The following CSNK2A1 variants were observed in gnomAD, a reference collection of about 807,000 sequenced individuals.
CSNK2A1 encodes the protein casein kinase 2 alpha 1.
A neutral mutation model predicts 62.9 loss-of-function variants in CSNK2A1; 10 were observed. The observed-to-expected ratio is 0.16, with a 90% CI of 0.10 to 0.27. The LOEUF (loss-of-function observed/expected upper bound fraction) is 0.27, where lower values mean the gene tolerates loss of function less well. Among genes scored for constraint, CSNK2A1 ranks in the 10% least tolerant of loss-of-function variants. The probability of loss-of-function intolerance (pLI) is 1.00; values close to 1 mark genes in which losing one functional copy is unlikely to be tolerated. For synonymous variants in CSNK2A1, 124 were observed against 167.8 expected (o/e 0.74, Z 2.02); for missense variants, 160 against 492.0 (o/e 0.33, Z 6.38).
At chr20:493,488 G>A (rs2018278698) in intron 8 of CSNK2A1, among the ~76,000 whole-genome samples, 1 of 152,122 alleles carries the variant, frequency 6.6e-6, no homozygotes, top group African/African-American at 2.4e-5. Flanking sequence ...AGGTTGCTAT[G>A]GAGAGATTAT....
At chr20:514,701 C>T (rs1435903004) in intron 2 of CSNK2A1, among the ~76,000 whole-genome samples, 2 of 152,118 alleles carry the variant, frequency 1.3e-5, no homozygotes, top group Admixed American at 6.5e-5. Context: ...CTCAGCCTCC[C>T]GAAGTGCTGA....
rs1354401824 is a variant in CSNK2A1, at chr20:481,284, C to G, written c.*2677G>C. Reference sequence around the variant, plus strand: ...AAAAGCAGAGGAAGAGGGGAGGGACCACTTCAAACAAAGTTTAAAAATACT... The same window carrying G: ...AAAAGCAGAGGAAGAGGGGAGGGACGACTTCAAACAAAGTTTAAAAATACT... On this transcript the variant is annotated 3_prime_UTR_variant, in exon 14 of 14. Transcript: ENST00000217244. 1.3e-5 allele frequency: 2 copies of G among 152,114 alleles called. No individual in the cohort carries two copies. Among genetic ancestry groups the G allele is most frequent in the Non-Finnish European group, 2.9e-5 (2 of 68,022 alleles). 9.4% of individuals were successfully genotyped at this position (152,114 alleles called of 1,614,324 possible).
rs750386854 is a variant in CSNK2A1 at position 499,804 on chromosome 20, C to A, written c.315+29G>T. On this transcript the variant is annotated intron_variant, in intron 5 of 13. Coordinates refer to ENST00000217244, the MANE Select transcript of CSNK2A1 (RefSeq NM_177559.3). The surrounding 1 kb of genome is among the most constrained non-coding windows in gnomAD (Gnocchi z 4.2). The stretch of plus-strand genomic sequence containing the variant: ...AGGTCAAACACCATCTCAGCTCTGG[C>A]GGGCCTTGCTAACACCTACTATACT... 1.2e-6 allele frequency: 2 copies of A among 1,604,312 alleles called. No individual in the cohort carries two copies. The highest frequency in any genetic ancestry group is 3.3e-5 in the Admixed American group (2 of 59,872).
At chr20:535,978 G>C (rs1001554774) in intron 1 of CSNK2A1, among the ~76,000 whole-genome samples, 18 of 152,074 alleles carry the variant, frequency 1.2e-4, no homozygotes, top group African/African-American at 4.3e-4. Flanking sequence ...TAAGACCTCT[G>C]ATCTATATTT....
At chr20:517,880 A>G (rs1424853908) in intron 2 of CSNK2A1, among the ~76,000 whole-genome samples, 1 of 152,062 alleles carries the variant, frequency 6.6e-6, no homozygotes, top group East Asian at 1.9e-4. Flanking sequence ...TGATTTGGAG[A>G]CTATTAGTTT....
At position 492,292 on chromosome 20, in the gene CSNK2A1, G is replaced by A. The variant is rs1034583315; in HGVS notation, c.583C>T (p.Arg195Ter). Residue 195 changes from arginine (R) to a stop codon, truncating the protein, a stop_gained, in exon 9 of 14, where the codon CGA becomes TGA. Coordinates refer to ENST00000217244, the MANE Select transcript of CSNK2A1 (RefSeq NM_177559.3). LOFTEE classifies it high-confidence loss of function. ...GQEYNVRVAS[R>*]YFKGPELLVD... ...AGTAGCTCAGGACCTTTGAAGTATC[G>A]GGAAGCAACTCGGACATTATATTCT... 1 of 1,613,804 alleles carries A rather than the reference G, an allele frequency of 6.2e-7. No individual in the cohort carries two copies. The highest frequency in any genetic ancestry group is 8.5e-7 in the Non-Finnish European group (1 of 1,179,968).
At chr20:515,058 C>A (rs2018799680) in intron 2 of CSNK2A1, among the ~76,000 whole-genome samples, 1 of 152,126 alleles carries the variant, frequency 6.6e-6, no homozygotes, top group African/African-American at 2.4e-5. Flanking sequence ...AAAAGTGACC[C>A]ATACATATTG....
In CSNK2A1 at chr20:478,454, A is replaced by T. The variant is rs1317141339; in HGVS notation, c.*5507T>A. ...GGAAGCCAGCCCCAGCTGCTGCAGC[A>T]TTTTTTTCCCTTTTTCTCATTACAG... On this transcript the variant is annotated 3_prime_UTR_variant, in exon 14 of 14. Coordinates refer to ENST00000217244, the MANE Select transcript of CSNK2A1 (RefSeq NM_177559.3). The T allele has an allele frequency of 1.4e-5, 3 of 219,884 alleles. No individual in the cohort carries two copies. The highest frequency in any genetic ancestry group is 1.8e-4 in the East Asian group (1 of 5,474). 13.6% of individuals were successfully genotyped at this position (219,884 alleles called of 1,614,324 possible).
intron 2 of CSNK2A1, among the ~76,000 whole-genome samples, chr20:515,835 T>C (rs1234103056): frequency 6.6e-6 from 1 of 152,234 alleles, no homozygotes; most frequent in African/African-American, 2.4e-5. Flanking sequence ...GCATCCAAAG[T>C]ATAGGGTGTT....
At chr20:518,982 T>C (rs1323093044) in intron 2 of CSNK2A1, among the ~76,000 whole-genome samples, 1 of 148,634 alleles carries the variant, frequency 6.7e-6, no homozygotes, top group Non-Finnish European at 1.5e-5. Context: ...GCCACCCAGG[T>C]TAGAGTGCAG....
chr20:540,752 T>C (rs1190467856), intron 1 of CSNK2A1: 1 of 152,214 alleles, frequency 6.6e-6, no homozygotes, highest in African/African-American at 2.4e-5. Context: ...CCAAAATCTA[T>C]ACTAGTGTTC....
chr20:503,943 C>T (rs373561888), intron 4 of CSNK2A1, among the ~76,000 whole-genome samples: 2 of 152,152 alleles, frequency 1.3e-5, no homozygotes, highest in Non-Finnish European at 2.9e-5. Flanking sequence ...TTTGGGAGGC[C>T]GAGGCGGGCG....
intron 2 of CSNK2A1, among the ~76,000 whole-genome samples, chr20:512,209 T>C (rs2018737875): frequency 7.5e-6 from 1 of 133,382 alleles, no homozygotes; most frequent in African/African-American, 2.9e-5. Flanking sequence ...CTTCTTCTTC[T>C]TTTTTTTTTT....
intron 13 of CSNK2A1, 37 bp downstream of exon 13, chr20:486,339 C>A: frequency 1.2e-6 from 2 of 1,611,508 alleles, no homozygotes; most frequent in Non-Finnish European, 1.7e-6. Flanking sequence ...TAATTGACTT[C>A]CACATTTTTT....
Position 483,044 on chromosome 20 carries a change from T to C in CSNK2A1, c.*917A>G, listed in dbSNP as rs1254864203. 1 of 152,186 alleles carries C rather than the reference T, an allele frequency of 6.6e-6. No individual in the cohort carries two copies. Among genetic ancestry groups the C allele is most frequent in the South Asian group, 2.1e-4 (1 of 4,832 alleles). 9.4% of individuals were successfully genotyped at this position (152,186 alleles called of 1,614,324 possible). ...TAGCATGAAACCTGTACAGACAATGTTTGTTTCTTTTGTAAAAAGCAGTAA... is the reference window on the plus strand; with the variant it reads ...TAGCATGAAACCTGTACAGACAATGCTTGTTTCTTTTGTAAAAAGCAGTAA... On this transcript the variant is annotated 3_prime_UTR_variant, in exon 14 of 14. Transcript: ENST00000217244.
At chr20:497,440 T>C (rs1361895331) in intron 7 of CSNK2A1, among the ~76,000 whole-genome samples, 2 of 151,930 alleles carry the variant, frequency 1.3e-5, no homozygotes, top group Non-Finnish European at 2.9e-5. Context: ...CACACCACCA[T>C]GCCCAGGTAA....
At position 499,958 on chromosome 20, in the gene CSNK2A1, C is replaced by CAAAAA. The variant is rs199709718; in HGVS notation, c.214-29_214-25dup. The CAAAAA allele has an allele frequency of 1.6e-6, 2 of 1,270,830 alleles. No homozygotes were observed. The highest frequency in any genetic ancestry group is 2.1e-6 in the Non-Finnish European group (2 of 938,486). The allele number at this position is 1,270,830 out of a possible 1,614,324, so 78.7% of individuals were successfully genotyped here. A position where few individuals can be genotyped will look rare whatever the true frequency, so the allele number is the denominator to read the frequency against. ...GGCTGAAAGGGGAAAAGTACATCAG[C>CAAAAA]AAAAAAAAAAAAAAAAAATTTTTTC... On this transcript the variant is annotated intron_variant, in intron 4 of 13. Coordinates refer to ENST00000217244, the MANE Select transcript of CSNK2A1 (RefSeq NM_177559.3). This position sits in a 1 kb window ranked among gnomAD's most constrained non-coding sequence, Gnocchi z 4.2.
At chr20:506,400 A>G (rs2018603557) in intron 3 of CSNK2A1, 1 of 152,204 alleles carries the variant, frequency 6.6e-6, no homozygotes, top group Non-Finnish European at 1.5e-5. Flanking sequence ...TACGAAGCAC[A>G]TTATAGATTG....
intron 2 of CSNK2A1, among the ~76,000 whole-genome samples, chr20:526,159 C>T (rs563669652): frequency 1.3e-5 from 2 of 151,614 alleles, no homozygotes; most frequent in South Asian, 4.2e-4. Context: ...AAAGAGGATC[C>T]ACAATACCAA....
Sources: gnomAD v4.1 joint callset for allele counts (sites outside exome capture counted in the v4.1 genomes callset) on GRCh38, gnomAD v4.1.1 for gene constraint, Gnocchi (gnomAD v3.1) non-coding constraint, MANE v1.5 for transcripts, NCBI Gene and HGNC (gene_info 2026-07-23, HGNC 2026-07-21) for gene names.